Variants in ERCC1 observed in about 807,000 individuals in gnomAD.
The protein encoded by ERCC1 is ERCC excision repair 1, endonuclease non-catalytic subunit, also known as DNA excision repair protein ERCC-1.
In ERCC1, 36 loss-of-function variants were observed where a neutral mutation model predicts 37.6. The observed-to-expected ratio is 0.96, with a 90% CI of 0.73 to 1.26. The LOEUF is 1.26. Ranked by LOEUF, ERCC1 falls within the 50% of genes most tolerant of loss-of-function variation. The pLI is 0.00. For synonymous variants in ERCC1, 156 were observed against 162.1 expected (o/e 0.96, Z 0.28); for missense variants, 349 against 376.5 (o/e 0.93, Z 0.60).
rs563391291 is a variant in ERCC1 at position 45,409,451 on chromosome 19, C to T, written c.*224G>A. ...GAATTCAGAGTCTGGGGAGGAGGCT[C>T]CCACAGGCCGGGACAAGAAGCGGAA... On this transcript the variant is annotated 3_prime_UTR_variant, in exon 10 of 10. Coordinates refer to ENST00000300853, the MANE Select transcript of ERCC1 (RefSeq NM_001983.4). 1.2e-6 allele frequency: 2 copies of T among 1,613,186 alleles called. No homozygotes were observed. Among genetic ancestry groups the T allele is most frequent in the South Asian group, 1.1e-5 (1 of 91,038 alleles).
intron 1 of ERCC1, chr19:45,450,753 G>A (rs1967088412): frequency 1.4e-5 from 2 of 144,634 alleles, no homozygotes; most frequent in Middle Eastern, 7.2e-3. Context: ...GCCACAGAGC[G>A]AAAGCGAGAC....
chr19:45,414,976 A>T lies in ERCC1; in HGVS notation c.603-16T>A. 6.3e-7 allele frequency: 1 copy of T among 1,588,006 alleles called. No homozygotes were observed. Among genetic ancestry groups the T allele is most frequent in the Non-Finnish European group, 8.6e-7 (1 of 1,156,484 alleles). On this transcript the variant is annotated splice_polypyrimidine_tract_variant and intron_variant, in intron 6 of 9. Transcript: ENST00000300853. ...TTCCTCGGGGCTGGGATAACAGGAT[A>T]CAGGGCAGCCGGGAGGTGAGGTATC...
chr19:45,437,080 T>C (rs560229585), intron 1 of ERCC1, among the ~76,000 whole-genome samples: 1 of 152,030 alleles, frequency 6.6e-6, no homozygotes, highest in East Asian at 1.9e-4. Flanking sequence ...TGAAACCCCA[T>C]CTCCACTAAA....
At chr19:45,412,010 C>T (rs866713486) in intron 9 of ERCC1, among the ~76,000 whole-genome samples, 23 of 151,746 alleles carry the variant, frequency 1.5e-4, no homozygotes, top group Middle Eastern at 3.4e-3. Context: ...GTGCCCACCA[C>T]CACACCCAGC....
chr19:45,414,869 C>T lies in ERCC1; in HGVS notation c.694G>A (p.Val232Ile), dbSNP rs146749606. The change falls in exon 7 of 10, where the codon GTC becomes ATC. Residue 232 changes from valine (V) to isoleucine (I), a missense_variant. Physicochemically the swap from Val to Ile is conservative, Grantham distance 29. Coordinates refer to ENST00000300853, the MANE Select transcript of ERCC1 (RefSeq NM_001983.4). The part of the protein sequence containing the change: ...LLMEKLEQDF[V>I]SRVTECLTTV... Reference sequence around the variant, plus strand: ...AGGTGAGGTGGCCTCACCCGGGAGACGAAGTCCTGCTCTAGCTTCTCCATC... The same window carrying T: ...AGGTGAGGTGGCCTCACCCGGGAGATGAAGTCCTGCTCTAGCTTCTCCATC... 86 of 1,612,752 alleles carry T rather than the reference C, an allele frequency of 5.3e-5. No homozygotes were observed. The highest frequency in any genetic ancestry group is 6.7e-5 in the Non-Finnish European group (79 of 1,179,040).
At chr19:45,427,267 AG>A (rs1974717492), upstream of ERCC1, among the ~76,000 whole-genome samples, 1 of 152,166 alleles carries the variant, frequency 6.6e-6, no homozygotes, top group African/African-American at 2.4e-5. Flanking sequence ...GCTCACGCCT[AG>A]TAGGAAGGAA....
intron 9 of ERCC1, among the ~76,000 whole-genome samples, chr19:45,410,954 G>T (rs918046550): frequency 6.6e-6 from 1 of 152,132 alleles, no homozygotes. Context: ...CTCCCAAGTA[G>T]TTGTGATTAC....
Position 45,409,184 on chromosome 19 carries a change from C to A in ERCC1, c.*491G>T. 1 of 1,613,444 alleles carries A rather than the reference C, an allele frequency of 6.2e-7. No homozygotes were observed. Among genetic ancestry groups the A allele is most frequent in the African/African-American group, 1.3e-5 (1 of 74,968 alleles). ...GGAGCCAGAGACAGAGGTGGTGGGG[C>A]CTGAGCTGCCGGATGACCTTGAGCC... On this transcript the variant is annotated 3_prime_UTR_variant, in exon 10 of 10. Coordinates refer to ENST00000300853, the MANE Select transcript of ERCC1 (RefSeq NM_001983.4).
chr19:45,448,817 T>G (rs1173566404), intron 1 of ERCC1, among the ~76,000 whole-genome samples: 1 of 152,126 alleles, frequency 6.6e-6, no homozygotes, highest in Non-Finnish European at 1.5e-5. Context: ...ATGTATTTTC[T>G]TTTGAAGGAG....
intron 1 of ERCC1, among the ~76,000 whole-genome samples, chr19:45,433,016 T>G (rs1204598167): frequency 3.4e-5 from 5 of 147,254 alleles, no homozygotes; most frequent in East Asian, 4.2e-4. Flanking sequence ...GGAGGCGGAG[T>G]TTGCGGTGAG....
In ERCC1 at chr19:45,409,698, C is replaced by T. The variant is rs558847942; in HGVS notation, c.871G>A (p.Glu291Lys). ...KARRLFDVLH[E>K]PFLKVP ...CATCAGGGTACTTTCAAGAAGGGCT[C>T]GTGCAGGACATCAAACAGCCTCCGG... The change falls in exon 10 of 10, where the codon GAG becomes AAG. Residue 291 changes from glutamate (E) to lysine (K), a missense_variant. Coordinates refer to ENST00000300853, the MANE Select transcript of ERCC1 (RefSeq NM_001983.4). The T allele has an allele frequency of 1.0e-5, 10 of 963,948 alleles. No homozygotes were observed. Among genetic ancestry groups the T allele is most frequent in the African/African-American group, 8.0e-5 (5 of 62,632 alleles). 59.7% of individuals were successfully genotyped at this position (963,948 alleles called of 1,614,324 possible).
At chr19:45,417,515 A>G (rs1230604880) in intron 5 of ERCC1, among the ~76,000 whole-genome samples, 1 of 152,166 alleles carries the variant, frequency 6.6e-6, no homozygotes, top group Non-Finnish European at 1.5e-5. Flanking sequence ...GGGAGGGGAA[A>G]GAGGGCTTGA....
At chr19:45,434,609 T>G (rs1398946683) in intron 1 of ERCC1, among the ~76,000 whole-genome samples, 1 of 152,126 alleles carries the variant, frequency 6.6e-6, no homozygotes, top group Non-Finnish European at 1.5e-5. Context: ...TTTCCGAGAC[T>G]GAGTCTTGCT....
At position 45,420,259 on chromosome 19, in the gene ERCC1, G is replaced by A; in HGVS notation, c.425+65C>T. ...CTCATAGAACAGTCCAGAACACTGG[G>A]ACATGACCCTCCCAGGCCAGTGGGG... On this transcript the variant is annotated intron_variant, in intron 4 of 9. Transcript: ENST00000300853. This position sits in a 1 kb window ranked among gnomAD's most constrained non-coding sequence, Gnocchi z 4.8. The A allele has an allele frequency of 1.9e-6, 2 of 1,048,956 alleles. No individual in the cohort carries two copies. The highest frequency in any genetic ancestry group is 1.3e-5 in the South Asian group (1 of 75,778). 65.0% of individuals were successfully genotyped at this position (1,048,956 alleles called of 1,614,324 possible). A position where few individuals can be genotyped will look rare whatever the true frequency, so the allele number is the denominator to read the frequency against.
chr19:45,429,490 T>TA (rs1974782893), intron 1 of ERCC1, among the ~76,000 whole-genome samples: 1 of 151,456 alleles, frequency 6.6e-6, no homozygotes, highest in African/African-American at 2.4e-5. Flanking sequence ...GAAAGAAAAA[T>TA]AAAGACAGAA....
chr19:45,414,500 C>T (rs912899043), intron 7 of ERCC1: 3 of 342,858 alleles, frequency 8.7e-6, no homozygotes, highest in African/African-American at 4.3e-5. Context: ...AGGAATTAGG[C>T]AGGTAATTGG....
intron 1 of ERCC1, among the ~76,000 whole-genome samples, chr19:45,435,980 G>A (rs1426501996): frequency 6.6e-6 from 1 of 152,062 alleles, no homozygotes; most frequent in Admixed American, 6.6e-5. Context: ...TGGCCAGGTT[G>A]GTCTTGAACT....
Position 45,418,992 on chromosome 19 carries a change from G to C in ERCC1, c.525+106C>G, listed in dbSNP as rs180777212. 2.1e-4 allele frequency: 172 copies of C among 805,740 alleles called. No individual in the cohort carries two copies. The East Asian group carries it at 3.1e-3, about 14-fold the overall frequency. The allele number at this position is 805,740 out of a possible 1,614,324, so 49.9% of individuals were successfully genotyped here. On this transcript the variant is annotated intron_variant, in intron 5 of 9. Coordinates refer to ENST00000300853, the MANE Select transcript of ERCC1 (RefSeq NM_001983.4). ...CCATGTCATCTCAGATGTGAAAAAC[G>C]TTCCTCGCTGAGGTTTTAGCTGCAT...
At chr19:45,448,998 G>T (rs1967031861) in intron 1 of ERCC1, among the ~76,000 whole-genome samples, 1 of 152,176 alleles carries the variant, frequency 6.6e-6, no homozygotes, top group Admixed American at 6.5e-5. Flanking sequence ...GAATCAAGGA[G>T]CTTTACATAA....
Sources: gnomAD v4.1 joint callset for allele counts (sites outside exome capture counted in the v4.1 genomes callset) on GRCh38, gnomAD v4.1.1 for gene constraint, Gnocchi (gnomAD v3.1) non-coding constraint, MANE v1.5 for transcripts, NCBI Gene and HGNC (gene_info 2026-07-23, HGNC 2026-07-21) for gene names.